The following DNM3 variants were observed in gnomAD, a reference collection of about 807,000 sequenced individuals.
DNM3 encodes dynamin 3, also known as dynamin-3.
In DNM3, 47 loss-of-function variants were observed where a neutral mutation model predicts 101.6. That is an observed-to-expected ratio of 0.46 (90% CI 0.37 to 0.59). The LOEUF (loss-of-function observed/expected upper bound fraction) is 0.59. Among genes scored for constraint, DNM3 ranks in the 20% least tolerant of loss-of-function variants. The pLI, the probability that DNM3 is intolerant of heterozygous loss-of-function variation, is 0.00. For synonymous variants in DNM3, 385 were observed against 387.9 expected, an observed-to-expected ratio of 0.99 and a Z score of 0.09; for missense variants, 849 against 1,085.7, an observed-to-expected ratio of 0.78 and a Z score of 3.06.
At chr1:172,057,125 G>A (rs543928829) in intron 10 of DNM3, among the ~76,000 whole-genome samples, 149 of 152,210 alleles carry the variant, frequency 9.8e-4, no homozygotes, top group African/African-American at 1.9e-3. Flanking sequence ...GAAATGAAGC[G>A]AGAAGGGAAG....
intron 10 of DNM3, among the ~76,000 whole-genome samples, chr1:172,056,322 G>A (rs942599130): frequency 3.9e-5 from 6 of 152,202 alleles, no homozygotes; most frequent in Admixed American, 3.9e-4. Flanking sequence ...AGGGAAGCTC[G>A]AACTGGGTGG....
intron 17 of DNM3, among the ~76,000 whole-genome samples, chr1:172,351,444 C>A (rs1474401549): frequency 6.6e-6 from 1 of 152,140 alleles, no homozygotes; most frequent in Non-Finnish European, 1.5e-5. Context: ...TTTAGCACTT[C>A]CAAAGCAGCC....
At chr1:171,900,620 A>G (rs2038226885) in intron 1 of DNM3, among the ~76,000 whole-genome samples, 1 of 152,190 alleles carries the variant, frequency 6.6e-6, no homozygotes, top group African/African-American at 2.4e-5. Flanking sequence ...GCAGGGCAGC[A>G]GTCAGGGTGG....
At chr1:172,359,125 A>AACACACACACACACAC (rs10683483) in intron 17 of DNM3, among the ~76,000 whole-genome samples, 180 of 145,812 alleles carry the variant, frequency 1.2e-3, no homozygotes, top group South Asian at 9.1e-3. Context: ...ACTCCCACAA[A>AACACACACACACACAC]ACACACACAC....
At chr1:171,909,024 G>T (rs2039067291) in intron 1 of DNM3, among the ~76,000 whole-genome samples, 2 of 151,638 alleles carry the variant, frequency 1.3e-5, no homozygotes, top group Admixed American at 1.3e-4. Flanking sequence ...CACCTGCTAT[G>T]TGCCATGTGT....
intron 17 of DNM3, among the ~76,000 whole-genome samples, chr1:172,332,903 T>G (rs992203693): frequency 6.6e-6 from 1 of 152,218 alleles, no homozygotes; most frequent in African/African-American, 2.4e-5. Flanking sequence ...CAGTTACATA[T>G]GTAAATCTAG....
intron 13 of DNM3, among the ~76,000 whole-genome samples, chr1:172,108,434 G>A (rs2055226213): frequency 6.6e-6 from 1 of 152,176 alleles, no homozygotes; most frequent in Admixed American, 6.5e-5. Flanking sequence ...GCTTGAAAGA[G>A]TTAATGCAGG....
chr1:172,370,645 CT>C (rs2068274307), intron 17 of DNM3, among the ~76,000 whole-genome samples: 1 of 151,942 alleles, frequency 6.6e-6, no homozygotes, highest in African/African-American at 2.4e-5. Flanking sequence ...TACAACAACC[CT>C]TTGAAGATTT....
chr1:172,399,116 T>G (rs2070259308), intron 20 of DNM3, among the ~76,000 whole-genome samples: 1 of 152,202 alleles, frequency 6.6e-6, no homozygotes, highest in African/African-American at 2.4e-5. Context: ...TGTGTGTATG[T>G]TAGAAAGCCC....
intron 15 of DNM3, among the ~76,000 whole-genome samples, chr1:172,288,798 TTTCAAAA>T (rs1435158558): frequency 6.6e-6 from 1 of 152,126 alleles, no homozygotes; most frequent in Non-Finnish European, 1.5e-5. Context: ...CACATCCAGA[TTTCAAAA>T]TCTGAGATAT....
intron 17 of DNM3, among the ~76,000 whole-genome samples, chr1:172,377,709 G>T (rs1306328927): frequency 6.6e-6 from 1 of 151,630 alleles, no homozygotes; most frequent in East Asian, 1.9e-4. Context: ...ATGCACTGGA[G>T]CCTCAGAAAT....
intron 14 of DNM3, among the ~76,000 whole-genome samples, chr1:172,187,746 A>G (rs583578): frequency 0.49 from 74,376 of 151,848 alleles, 19,917 homozygotes; most frequent in African/African-American, 0.71. Flanking sequence ...TACAAATGTT[A>G]AGAAAATCAC....
chr1:172,230,920 C>T (rs1344492414), intron 14 of DNM3, among the ~76,000 whole-genome samples: 3 of 152,110 alleles, frequency 2.0e-5, no homozygotes, highest in South Asian at 4.2e-4. Context: ...GACTAGTTTG[C>T]CCTTCCTCTC....
At chr1:172,350,399 G>T (rs1295467473) in intron 17 of DNM3, among the ~76,000 whole-genome samples, 3 of 151,886 alleles carry the variant, frequency 2.0e-5, no homozygotes, top group Admixed American at 6.6e-5. Context: ...ATATGCTGAT[G>T]AACACAGAGA....
chr1:172,227,365 G>C (rs556457635), intron 14 of DNM3, among the ~76,000 whole-genome samples: 7 of 143,862 alleles, frequency 4.9e-5, no homozygotes, highest in Non-Finnish European at 6.0e-5. Flanking sequence ...ATATCTTTGC[G>C]GTTGTGAATT....
At chr1:172,048,478 C>T (rs1433440657) in intron 9 of DNM3, 134 bp from the exon 10 acceptor site, 1 of 941,774 alleles carries the variant, frequency 1.1e-6, no homozygotes, top group East Asian at 2.9e-5. Flanking sequence ...ACATTTTGGG[C>T]ACTATGTAAC....
intron 15 of DNM3, among the ~76,000 whole-genome samples, chr1:172,261,466 A>C (rs974493406): frequency 1.3e-5 from 2 of 152,186 alleles, no homozygotes; most frequent in African/African-American, 4.8e-5. Flanking sequence ...AGTTTTGCTG[A>C]GTACTATAAC....
intron 13 of DNM3, among the ~76,000 whole-genome samples, chr1:172,107,735 T>A (rs576395473): frequency 2.4e-4 from 36 of 152,326 alleles, no homozygotes; most frequent in African/African-American, 7.5e-4. Flanking sequence ...TCTTTTGTTA[T>A]TTTTGTTCAT....
chr1:172,230,441 G>A (rs1381043630), intron 14 of DNM3, among the ~76,000 whole-genome samples: 1 of 152,056 alleles, frequency 6.6e-6, no homozygotes, highest in East Asian at 1.9e-4. Context: ...TTTTTGTAGG[G>A]GATTGATTGT....
Sources: gnomAD v4.1 joint callset for allele counts (sites outside exome capture counted in the v4.1 genomes callset) on GRCh38, gnomAD v4.1.1 for gene constraint, MANE v1.5 for transcripts, NCBI Gene and HGNC (gene_info 2026-07-23, HGNC 2026-07-21) for gene names.